Variants in KIAA1958 observed in about 807,000 individuals in gnomAD.
KIAA1958 encodes the protein uncharacterized protein KIAA1958.
A neutral mutation model predicts 47.2 loss-of-function variants in KIAA1958; 14 were observed. The ratio of observed to expected loss-of-function variants is 0.30; its 90% CI spans 0.20 to 0.46. KIAA1958 has a LOEUF of 0.46. KIAA1958 is among the 20% of genes least tolerant of loss of function. KIAA1958 has a pLI of 1.00. For synonymous variants in KIAA1958, 354 were observed against 353.3 expected, an observed-to-expected ratio of 1.00 and a Z score of -0.02; for missense variants, 803 against 909.2, an observed-to-expected ratio of 0.88 and a Z score of 1.50.
At chr9:112,657,506 T>C (rs1195117817) in intron 3 of KIAA1958, among the ~76,000 whole-genome samples, 2 of 152,232 alleles carry the variant, frequency 1.3e-5, no homozygotes, top group African/African-American at 4.8e-5. Flanking sequence ...TGATGTATAT[T>C]TATTATGTAT....
At chr9:112,565,943 G>A (rs1036731877) in intron 1 of KIAA1958, among the ~76,000 whole-genome samples, 3 of 151,958 alleles carry the variant, frequency 2.0e-5, no homozygotes, top group African/African-American at 4.8e-5. Flanking sequence ...TCGCTCTGTC[G>A]CCCAGGCTGG....
chr9:112,569,942 G>A (rs916025671), intron 1 of KIAA1958, among the ~76,000 whole-genome samples: 2 of 152,096 alleles, frequency 1.3e-5, no homozygotes, highest in East Asian at 1.9e-4. Context: ...CATTTATTAA[G>A]TGTTTTACTT....
chr9:112,525,069 A>G (rs1358083776), intron 1 of KIAA1958, among the ~76,000 whole-genome samples: 1 of 152,194 alleles, frequency 6.6e-6, no homozygotes, highest in Non-Finnish European at 1.5e-5. Context: ...ATTTGTATCT[A>G]AACCAGTTGA....
At chr9:112,621,484 A>G (rs532696761) in intron 2 of KIAA1958, among the ~76,000 whole-genome samples, 2 of 152,342 alleles carry the variant, frequency 1.3e-5, no homozygotes, top group African/African-American at 4.8e-5. Flanking sequence ...AGTAGTCAGT[A>G]TGCACTGTGA....
In KIAA1958 at chr9:112,574,999, G is replaced by A. The variant is rs1394342150; in HGVS notation, c.919G>A (p.Ala307Thr). 1 of 1,614,174 alleles carries A rather than the reference G, an allele frequency of 6.2e-7. No homozygotes were observed. Among genetic ancestry groups the A allele is most frequent in the Non-Finnish European group, 8.5e-7 (1 of 1,180,016 alleles). ...TACACATGGCACCAACCAACAGGTG[G>A]CCATGCAAATGCCTGTGAGCACATC... ...PGTHGTNQQV[A>T]MQMPVSTSHP... Residue 307 changes from alanine to threonine, a missense_variant, in exon 2 of 4, where the codon GCC (alanine) becomes ACC (threonine). Physicochemically the swap from Ala to Thr is moderately conservative, Grantham distance 58 (BLOSUM62 0). This residue lies in a region of KIAA1958 where 761 missense variants were observed against 829.3 expected (regional missense o/e 0.92). Transcript: ENST00000337530.
chr9:112,627,524 C>T (rs1047910594), intron 2 of KIAA1958, among the ~76,000 whole-genome samples: 1 of 152,134 alleles, frequency 6.6e-6, no homozygotes, highest in African/African-American at 2.4e-5. Context: ...GAGACTGAGG[C>T]GGGCGGATCA....
At chr9:112,621,321 G>T (rs1271575902) in intron 2 of KIAA1958, among the ~76,000 whole-genome samples, 3 of 152,156 alleles carry the variant, frequency 2.0e-5, no homozygotes, top group Non-Finnish European at 2.9e-5. Flanking sequence ...GCATCAGACA[G>T]CCTACTTTAA....
intron 2 of KIAA1958, among the ~76,000 whole-genome samples, chr9:112,638,855 C>T (rs1836850986): frequency 6.6e-6 from 1 of 152,144 alleles, no homozygotes; most frequent in African/African-American, 2.4e-5. Flanking sequence ...CCTTTCAGTT[C>T]ACAAATCATC....
At chr9:112,491,158 G>T (rs1204808395) in intron 1 of KIAA1958, among the ~76,000 whole-genome samples, 1 of 152,116 alleles carries the variant, frequency 6.6e-6, no homozygotes, top group African/African-American at 2.4e-5. Context: ...TAGCGATGGG[G>T]TCTTGCGGTG....
intron 1 of KIAA1958, among the ~76,000 whole-genome samples, chr9:112,514,575 TG>T (rs1192107818): frequency 0.26 from 778 of 2,946 alleles, 91 homozygotes; most frequent in Middle Eastern, 0.5. Flanking sequence ...GGGAGGGAGA[TG>T]GGGGGGGGTC....
intron 1 of KIAA1958, among the ~76,000 whole-genome samples, chr9:112,550,606 G>A (rs549363266): frequency 1.3e-5 from 2 of 152,298 alleles, no homozygotes; most frequent in Non-Finnish European, 2.9e-5. Flanking sequence ...CAGGGAAAAG[G>A]CAGACGGATG....
intron 2 of KIAA1958, among the ~76,000 whole-genome samples, chr9:112,614,470 A>G (rs1330489384): frequency 6.6e-6 from 1 of 152,252 alleles, no homozygotes; most frequent in East Asian, 1.9e-4. Context: ...AACTAGAGGT[A>G]AATGCAGACA....
intron 1 of KIAA1958, among the ~76,000 whole-genome samples, chr9:112,572,419 T>C (rs1461839560): frequency 1.3e-5 from 2 of 152,130 alleles, no homozygotes. Context: ...AATTTCCATA[T>C]CCCCAAGTAG....
chr9:112,516,945 A>G (rs1292867726), intron 1 of KIAA1958, among the ~76,000 whole-genome samples: 1 of 152,228 alleles, frequency 6.6e-6, no homozygotes, highest in Non-Finnish European at 1.5e-5. Flanking sequence ...GAAACAGTTG[A>G]TTGGTTACAA....
At chr9:112,605,620 G>A (rs1351887533) in intron 2 of KIAA1958, among the ~76,000 whole-genome samples, 1 of 152,142 alleles carries the variant, frequency 6.6e-6, no homozygotes. Flanking sequence ...TAAAACACAA[G>A]GCCCTGCATG....
intron 1 of KIAA1958, among the ~76,000 whole-genome samples, chr9:112,524,538 ATTG>A (rs957266706): frequency 6.6e-6 from 1 of 152,208 alleles, no homozygotes; most frequent in African/African-American, 2.4e-5. Context: ...GTTCATTCAC[ATTG>A]TTGTGCTACC....
intron 1 of KIAA1958, among the ~76,000 whole-genome samples, chr9:112,489,781 G>A (rs145166127): frequency 6.6e-6 from 1 of 152,262 alleles, no homozygotes; most frequent in East Asian, 1.9e-4. Flanking sequence ...GCCGTCCACA[G>A]TTAAATTTGA....
At chr9:112,626,839 C>A (rs1836623379) in intron 2 of KIAA1958, among the ~76,000 whole-genome samples, 1 of 148,678 alleles carries the variant, frequency 6.7e-6, no homozygotes, top group Non-Finnish European at 1.5e-5. Context: ...AAAAAAAACA[C>A]CTTGCCAAAA....
rs575031174 is a variant in KIAA1958, at chr9:112,665,059, T to A, written c.*4990T>A. 6.6e-6 allele frequency: 1 copy of A among 151,988 alleles called. No homozygotes were observed. The highest frequency in any genetic ancestry group is 2.1e-4 in the South Asian group (1 of 4,814). 9.4% of individuals were successfully genotyped at this position (151,988 alleles called of 1,614,324 possible). ...CTTATTATTTAGCTAAAACAACTTA[T>A]ATGGAAGTTAATTATTTCAGGAAAT... On this transcript the variant is annotated 3_prime_UTR_variant, in exon 4 of 4. Coordinates refer to ENST00000337530, the MANE Select transcript of KIAA1958 (RefSeq NM_133465.4).
Sources: allele counts gnomAD v4.1 joint callset (sites outside exome capture counted in the v4.1 genomes callset), GRCh38; gene constraint gnomAD v4.1.1; regional missense constraint gnomAD v4.1.1; transcripts MANE v1.5; gene names NCBI Gene and HGNC (gene_info 2026-07-23, HGNC 2026-07-21).